FA2H: variants seen among roughly 807,000 people sequenced by gnomAD.
FA2H encodes fatty acid 2-hydroxylase.
A neutral mutation model predicts 44.9 loss-of-function variants in FA2H; 22 were observed. The ratio of observed to expected loss-of-function variants is 0.49; its 90% CI spans 0.35 to 0.70. The LOEUF (loss-of-function observed/expected upper bound fraction) is 0.70, where lower values mean the gene tolerates loss of function less well. Among genes scored for constraint, FA2H ranks in the 30% least tolerant of loss-of-function variants. FA2H has a pLI of 0.01. For synonymous variants in FA2H, 243 were observed against 213.2 expected (o/e 1.14, Z -1.22); for missense variants, 501 against 504.9 (o/e 0.99, Z 0.07).
chr16:74,717,295 GGA>G (rs930517405), intron 5 of FA2H, among the ~76,000 whole-genome samples: 21 of 152,278 alleles, frequency 1.4e-4, no homozygotes, highest in Non-Finnish European at 4.4e-5. Context: ...CTGGGCTGGA[GGA>G]GAGAGAGAGA....
chr16:74,760,597 C>T (rs894644567), intron 1 of FA2H, among the ~76,000 whole-genome samples: 1 of 144,400 alleles, frequency 6.9e-6, no homozygotes, highest in African/African-American at 2.4e-5. Flanking sequence ...TGCCTGCTCC[C>T]CCCAGGAAAT....
At chr16:74,716,890 G>C in intron 5 of FA2H, 1 of 460,060 alleles carries the variant, frequency 2.2e-6, no homozygotes, top group Non-Finnish European at 4.0e-6. Flanking sequence ...TGGCGGCTCA[G>C]AGCCCATCTT....
At chr16:74,724,804 G>T (rs1369140586) in intron 4 of FA2H, among the ~76,000 whole-genome samples, 1 of 152,090 alleles carries the variant, frequency 6.6e-6, no homozygotes, top group African/African-American at 2.4e-5. Context: ...TGCCATGCAG[G>T]AAAGACCTCT....
chr16:74,742,698 G>T (rs1377332095), intron 1 of FA2H, among the ~76,000 whole-genome samples: 1 of 152,054 alleles, frequency 6.6e-6, no homozygotes, highest in East Asian at 1.9e-4. Context: ...AGCCAGGTGT[G>T]GTGGTAGTGT....
chr16:74,770,805 T>C (rs1388866529), intron 1 of FA2H, among the ~76,000 whole-genome samples: 1 of 152,216 alleles, frequency 6.6e-6, no homozygotes, highest in East Asian at 1.9e-4. Flanking sequence ...TGCAGATGCA[T>C]TGTTTTGAGT....
chr16:74,739,281 T>C (rs1237880990), intron 2 of FA2H, among the ~76,000 whole-genome samples: 1 of 152,190 alleles, frequency 6.6e-6, no homozygotes, highest in Non-Finnish European at 1.5e-5. Context: ...TAGGGGTTTA[T>C]GGACATGCAC....
intron 1 of FA2H, among the ~76,000 whole-genome samples, chr16:74,771,858 G>C (rs374943400): frequency 8.9e-4 from 135 of 151,906 alleles, no homozygotes; most frequent in African/African-American, 2.9e-3. Flanking sequence ...ACCCACTTAG[G>C]CTGTCTCTGT....
At chr16:74,763,419 G>A (rs149258014) in intron 1 of FA2H, among the ~76,000 whole-genome samples, 6 of 152,058 alleles carry the variant, frequency 3.9e-5, no homozygotes, top group East Asian at 1.9e-4. Context: ...CACCACACCC[G>A]GCTAGTTTTT....
chr16:74,739,174 C>T (rs1195625335), intron 2 of FA2H, among the ~76,000 whole-genome samples: 2 of 152,196 alleles, frequency 1.3e-5, no homozygotes, highest in Admixed American at 1.3e-4. Flanking sequence ...GGAGGGGTTA[C>T]TGTCCCCTGC....
At chr16:74,758,482 T>C (rs890004159) in intron 1 of FA2H, among the ~76,000 whole-genome samples, 1 of 152,176 alleles carries the variant, frequency 6.6e-6, no homozygotes, top group African/African-American at 2.4e-5. Flanking sequence ...TATATTAATA[T>C]GTAATTATTA....
At chr16:74,769,012 G>T (rs1205520903) in intron 1 of FA2H, among the ~76,000 whole-genome samples, 1 of 152,140 alleles carries the variant, frequency 6.6e-6, no homozygotes, top group Non-Finnish European at 1.5e-5. Flanking sequence ...GGTGGGGCAT[G>T]GGGGAGTATG....
At chr16:74,733,531 C>A (rs1962120125) in intron 2 of FA2H, among the ~76,000 whole-genome samples, 1 of 152,130 alleles carries the variant, frequency 6.6e-6, no homozygotes, top group Admixed American at 6.5e-5. Flanking sequence ...TTAGGTGGTA[C>A]ATGCACTGAT....
intron 2 of FA2H, among the ~76,000 whole-genome samples, chr16:74,728,366 C>T (rs1961999914): frequency 6.6e-6 from 1 of 152,106 alleles, no homozygotes; most frequent in African/African-American, 2.4e-5. Flanking sequence ...GATCCAGAGG[C>T]AGAATGGCTG....
At chr16:74,749,602 G>A (rs939208282) in intron 1 of FA2H, among the ~76,000 whole-genome samples, 3 of 152,184 alleles carry the variant, frequency 2.0e-5, no homozygotes, top group African/African-American at 7.2e-5. Flanking sequence ...TCCCTCTGAT[G>A]CCATTGCCAG....
In FA2H at chr16:74,726,284, C is replaced by G. The variant is rs752546362; in HGVS notation, c.554G>C (p.Trp185Ser). The G allele has an allele frequency of 2.5e-6, 4 of 1,613,996 alleles. No individual in the cohort carries two copies. The African/African-American group carries it at 5.3e-5, about 22-fold the overall frequency. The change falls in exon 4 of 7, where the codon TGG becomes TCG. Residue 185 changes from tryptophan (W) to serine (S), a missense_variant. Trp to Ser is a radical substitution (Grantham distance 177, BLOSUM62 -3). Transcript: ENST00000219368. ...IWVPLVLYLS[W>S]SYYRTFAQGN... is the part of the protein sequence containing the mutation. ...CTGGGCAAAGGTTCGGTAGTAGGAC[C>G]AGCTGAGATACAGCACCAGGGGCAC...
chr16:74,751,692 C>T (rs1015766176), intron 1 of FA2H, among the ~76,000 whole-genome samples: 8 of 152,054 alleles, frequency 5.3e-5, no homozygotes, highest in African/African-American at 1.7e-4. Flanking sequence ...ACAGCAGCTT[C>T]GTAGACAGCA....
Position 74,714,166 on chromosome 16 carries a change from G to A in FA2H, c.*24C>T. On this transcript the variant is annotated 3_prime_UTR_variant, in exon 7 of 7. Transcript: ENST00000219368. ...GGAAGGGGCCAGGGCCGGGCTGAGG[G>A]CAGGACGGAGGGGGTGGGAGTTGTC... is the stretch of plus-strand genomic sequence containing the variant. 1.3e-6 allele frequency: 2 copies of A among 1,497,536 alleles called. No homozygotes were observed. The highest frequency in any genetic ancestry group is 2.4e-5 in the South Asian group (2 of 82,974). 92.8% of individuals were successfully genotyped at this position (1,497,536 alleles called of 1,614,324 possible).
chr16:74,726,376 T>TGTACTCTGTCAAGCTCC, intron 3 of FA2H, 45 bp from the exon 4 acceptor site: 2 of 1,237,784 alleles, frequency 1.6e-6, no homozygotes, highest in African/African-American at 1.6e-5. Flanking sequence ...GCACAGGAGC[T>TGTACTCTGTCAAGCTCC]TGACAGAGTA....
At chr16:74,753,499 G>A (rs2144650782) in intron 1 of FA2H, among the ~76,000 whole-genome samples, 1 of 152,270 alleles carries the variant, frequency 6.6e-6, no homozygotes, top group African/African-American at 2.4e-5. Flanking sequence ...GGCCAACATA[G>A]TGAACCCCGT....
Sources: allele counts gnomAD v4.1 joint callset (sites outside exome capture counted in the v4.1 genomes callset), GRCh38; gene constraint gnomAD v4.1.1; transcripts MANE v1.5; gene names NCBI Gene and HGNC (gene_info 2026-07-23, HGNC 2026-07-21).